The following CTNND2 variants were observed in gnomAD, a reference collection of about 807,000 sequenced individuals.
CTNND2 encodes catenin delta-2.
In CTNND2, 22 loss-of-function variants were observed where a neutral mutation model predicts 144.4. That is an observed-to-expected ratio of 0.15 (90% CI 0.11 to 0.22). CTNND2 has a LOEUF of 0.22. Among genes scored for constraint, CTNND2 ranks in the 10% least tolerant of loss-of-function variants. The pLI, the probability that CTNND2 is intolerant of heterozygous loss-of-function variation, is 1.00. For missense variants in CTNND2, 1,353 were observed against 1,618.8 expected (o/e 0.84, Z 2.82); for synonymous variants, 751 against 695.6 (o/e 1.08, Z -1.25).
intron 3 of CTNND2, among the ~76,000 whole-genome samples, chr5:11,481,075 G>A (rs973390355): frequency 1.3e-5 from 2 of 152,102 alleles, no homozygotes; most frequent in African/African-American, 4.8e-5. Context: ...CATAGTCCAA[G>A]CTCTCCAAAT....
At chr5:11,648,172 CTTTT>C (rs5865960) in intron 2 of CTNND2, among the ~76,000 whole-genome samples, 3 of 132,452 alleles carry the variant, frequency 2.3e-5, no homozygotes, top group Non-Finnish European at 4.8e-5. Flanking sequence ...AGAACAGTGA[CTTTT>C]TTTTTTTTTT....
At chr5:11,129,934 G>T (rs1755396409) in intron 12 of CTNND2, among the ~76,000 whole-genome samples, 1 of 152,068 alleles carries the variant, frequency 6.6e-6, no homozygotes, top group African/African-American at 2.4e-5. Context: ...TACTTGAAAA[G>T]CTCTTGACTT....
At chr5:11,422,267 T>TA (rs1260100860) in intron 3 of CTNND2, among the ~76,000 whole-genome samples, 5 of 152,128 alleles carry the variant, frequency 3.3e-5, no homozygotes, top group Non-Finnish European at 7.4e-5. Context: ...CTGTGATTTA[T>TA]AAAAAAAGAT....
At chr5:11,234,537 G>T (rs574978918) in intron 10 of CTNND2, among the ~76,000 whole-genome samples, 2 of 152,312 alleles carry the variant, frequency 1.3e-5, no homozygotes, top group South Asian at 4.1e-4. Context: ...TGTGCTGGTT[G>T]CCCCTTCACT....
chr5:11,359,861 C>CCAT (rs1248260619), intron 8 of CTNND2, among the ~76,000 whole-genome samples: 1 of 152,136 alleles, frequency 6.6e-6, no homozygotes, highest in Non-Finnish European at 1.5e-5. Context: ...GATGGCATGC[C>CCAT]TGTTCAGCTT....
rs115474982 is a variant in CTNND2 at position 11,893,694 on chromosome 5, G to A, written c.37+10123C>T. Among the ~76,000 whole-genome samples, 731 of 152,170 alleles carry A rather than the reference G, an allele frequency of 4.8e-3. 6 individuals carry two copies. The highest frequency in any genetic ancestry group is 0.017 in the African/African-American group (695 of 41,504). On this transcript the variant is annotated intron_variant, in intron 1 of 21. Transcript: ENST00000304623. ...GTTAATTTCCTCCAGCCATCATCTTGGCTCTATCCTCTCACACTCCGCTTC... is the reference window on the plus strand; with the variant it reads ...GTTAATTTCCTCCAGCCATCATCTTAGCTCTATCCTCTCACACTCCGCTTC...
chr5:11,498,750 G>GT (rs912103517), intron 3 of CTNND2, among the ~76,000 whole-genome samples: 1 of 152,070 alleles, frequency 6.6e-6, no homozygotes, highest in African/African-American at 2.4e-5. Context: ...ATTCTTAAGG[G>GT]TTTTTTTCCT....
chr5:11,327,660 G>C (rs1038832055), intron 9 of CTNND2, among the ~76,000 whole-genome samples: 1 of 152,176 alleles, frequency 6.6e-6, no homozygotes, highest in East Asian at 1.9e-4. Flanking sequence ...TCAAACAGGA[G>C]TAACATCATA....
intron 9 of CTNND2, among the ~76,000 whole-genome samples, chr5:11,269,370 C>T (rs1426107545): frequency 6.6e-6 from 1 of 152,168 alleles, no homozygotes; most frequent in Non-Finnish European, 1.5e-5. Flanking sequence ...GAAATCTATT[C>T]TCGTTTATTA....
chr5:11,522,221 T>G (rs193009826), intron 3 of CTNND2, among the ~76,000 whole-genome samples: 148 of 152,360 alleles, frequency 9.7e-4, no homozygotes, highest in African/African-American at 3.5e-3. Context: ...AAATTTTCCA[T>G]GACAAACGTG....
intron 1 of CTNND2, among the ~76,000 whole-genome samples, chr5:11,746,137 C>T (rs1260642760): frequency 6.6e-6 from 1 of 152,150 alleles, no homozygotes; most frequent in Non-Finnish European, 1.5e-5. Flanking sequence ...TCCTCTCACA[C>T]CTTACACTAC....
chr5:11,269,231 G>A (rs575392000), intron 9 of CTNND2, among the ~76,000 whole-genome samples: 24 of 152,284 alleles, frequency 1.6e-4, no homozygotes, highest in African/African-American at 4.1e-4. Context: ...GAGGCAGTGC[G>A]CTTTGAACAG....
At chr5:11,314,508 C>A (rs1256832384) in intron 9 of CTNND2, among the ~76,000 whole-genome samples, 2 of 152,118 alleles carry the variant, frequency 1.3e-5, no homozygotes, top group African/African-American at 4.8e-5. Context: ...AGCATGCACA[C>A]CACGATGCCT....
At chr5:11,886,975 CTTTTTTTT>C (rs36178842) in intron 1 of CTNND2, among the ~76,000 whole-genome samples, 1 of 83,574 alleles carries the variant, frequency 1.2e-5, no homozygotes, top group African/African-American at 4.3e-5. Context: ...TATCCTACTG[CTTTTTTTT>C]TTTTTTTTTT....
chr5:11,272,579 A>C (rs1479838531), intron 9 of CTNND2, among the ~76,000 whole-genome samples: 3 of 152,090 alleles, frequency 2.0e-5, no homozygotes, highest in African/African-American at 7.2e-5. Flanking sequence ...TCCCCTAAAT[A>C]CTGGTGAAAA....
chr5:11,194,660 T>G (rs1736673271), intron 11 of CTNND2, among the ~76,000 whole-genome samples: 1 of 151,852 alleles, frequency 6.6e-6, no homozygotes, highest in Non-Finnish European at 1.5e-5. Context: ...ACCACAGATT[T>G]GAAGTAAGCC....
chr5:11,198,428 G>A (rs1413943595), intron 11 of CTNND2, among the ~76,000 whole-genome samples: 1 of 152,252 alleles, frequency 6.6e-6, no homozygotes, highest in East Asian at 1.9e-4. Flanking sequence ...GAAAATATAC[G>A]AAAGTTGGGA....
chr5:11,636,442 T>G (rs2126486951), intron 2 of CTNND2, among the ~76,000 whole-genome samples: 1 of 152,282 alleles, frequency 6.6e-6, no homozygotes, highest in East Asian at 1.9e-4. Flanking sequence ...TCCTTTGTAA[T>G]TATGGAAATA....
intron 11 of CTNND2, among the ~76,000 whole-genome samples, chr5:11,164,545 C>T (rs1025701012): frequency 6.6e-6 from 1 of 152,126 alleles, no homozygotes; most frequent in Non-Finnish European, 1.5e-5. Flanking sequence ...CAAAAAATCC[C>T]TGTGCTGGTG....
Sources: gnomAD v4.1 joint callset for allele counts (sites outside exome capture counted in the v4.1 genomes callset) on GRCh38, gnomAD v4.1.1 for gene constraint, MANE v1.5 for transcripts, NCBI Gene and HGNC (gene_info 2026-07-23, HGNC 2026-07-21) for gene names.